Variants in AIFM2 observed in about 807,000 individuals in gnomAD.
The protein encoded by AIFM2 is AIF family member 2, ferroptosis suppressor, also known as ferroptosis suppressor protein 1.
In AIFM2, 38 loss-of-function variants were observed where a neutral mutation model predicts 35.7. The observed-to-expected ratio is 1.06, with a 90% CI of 0.82 to 1.39. The LOEUF (loss-of-function observed/expected upper bound fraction) is 1.39. Ranked by LOEUF, AIFM2 falls within the 40% of genes most tolerant of loss-of-function variation. The pLI is 0.00. For missense variants in AIFM2, 476 were observed against 491.2 expected, an observed-to-expected ratio of 0.97 and a Z score of 0.29; for synonymous variants, 185 against 203.5, an observed-to-expected ratio of 0.91 and a Z score of 0.77.
At chr10:70,120,659 T>A in intron 4 of AIFM2, 60 bp from the exon 5 acceptor site, 2 of 1,580,702 alleles carry the variant, frequency 1.3e-6, no homozygotes, top group South Asian at 2.2e-5. Context: ...TCCACCTCTG[T>A]CTGCTGGTTC....
At chr10:70,132,274 A>C (rs747000120) in intron 1 of AIFM2, among the ~76,000 whole-genome samples, 30 of 151,928 alleles carry the variant, frequency 2.0e-4, no homozygotes, top group Non-Finnish European at 4.0e-4. Context: ...CACTGGGTTG[A>C]CTCCAGTTTC....
rs149212333 is a variant in AIFM2 at position 70,116,635 on chromosome 10, G to A, written c.756C>T (p.Tyr252=). 2.5e-6 allele frequency: 4 copies of A among 1,613,700 alleles called. No individual in the cohort carries two copies. Among genetic ancestry groups the A allele is most frequent in the African/African-American group, 1.3e-5 (1 of 74,924 alleles). ...CTGIKINSSA[Y]RKAFESRLAS... ...GCACCTGCTCACCAAACGCTTTGCG[G>A]TAGGCGGAGCTGTTGATCTTGATGC... The change falls in exon 7 of 9, where the codon TAC becomes TAT. Residue 252 remains tyrosine (Y), a synonymous_variant. Coordinates refer to ENST00000307864, the MANE Select transcript of AIFM2 (RefSeq NM_032797.6).
At chr10:70,124,387 A>G (rs1304662970) in intron 1 of AIFM2, among the ~76,000 whole-genome samples, 1 of 152,198 alleles carries the variant, frequency 6.6e-6, no homozygotes, top group African/African-American at 2.4e-5. Flanking sequence ...TATAATCACG[A>G]TTATTTTTTG....
At chr10:70,114,470 A>ATT in intron 8 of AIFM2, 141 bp from the exon 9 acceptor site, 1 of 1,066,806 alleles carries the variant, frequency 9.4e-7, no homozygotes, top group Non-Finnish European at 1.3e-6. Context: ...TGAGACCCTG[A>ATT]TTTTTTTTTG....
intron 7 of AIFM2, among the ~76,000 whole-genome samples, chr10:70,115,445 T>C (rs1460883896): frequency 6.6e-6 from 1 of 152,234 alleles, no homozygotes. Context: ...GAGTCTTGAA[T>C]TGACTTTTGA....
intron 1 of AIFM2, among the ~76,000 whole-genome samples, chr10:70,127,539 C>G (rs1025904197): frequency 6.6e-6 from 1 of 152,228 alleles, no homozygotes; most frequent in Non-Finnish European, 1.5e-5. Flanking sequence ...GACAGACAGA[C>G]AGCCTGCCAT....
At chr10:70,119,928 G>A (rs557332745) in intron 5 of AIFM2, among the ~76,000 whole-genome samples, 4 of 152,356 alleles carry the variant, frequency 2.6e-5, no homozygotes, top group African/African-American at 7.2e-5. Context: ...CAACAGGGCA[G>A]GCTGATGTCC....
Position 70,118,043 on chromosome 10 carries a change from G to A in AIFM2, c.508-123C>T, listed in dbSNP as rs1374638681. ...CAGATGAGGAAACTGAAGCTCCAGA[G>A]AAGTAATCTGTCCAATGCCAGGACC... is the stretch of plus-strand genomic sequence containing the variant. On this transcript the variant is annotated intron_variant, in intron 5 of 8. Transcript: ENST00000307864. The A allele has an allele frequency of 1.3e-5, 9 of 706,446 alleles. No homozygotes were observed. The East Asian group carries it at 2.0e-4, about 16-fold the overall frequency. The allele number at this position is 706,446 out of a possible 1,614,324, so 43.8% of individuals were successfully genotyped here.
intron 1 of AIFM2, among the ~76,000 whole-genome samples, chr10:70,124,886 T>G (rs1382272314): frequency 1.3e-5 from 2 of 152,230 alleles, no homozygotes; most frequent in Non-Finnish European, 2.9e-5. Context: ...TGCAAAATTC[T>G]GCTTCTAGGG....
chr10:70,118,552 T>A (rs2072463698), intron 5 of AIFM2, among the ~76,000 whole-genome samples: 1 of 152,158 alleles, frequency 6.6e-6, no homozygotes, highest in Non-Finnish European at 1.5e-5. Context: ...ACATATTAAG[T>A]CCTTAATAAA....
chr10:70,126,632 TCCAAGACATGGTGGTGGTTCC>T (rs2072569326), intron 1 of AIFM2, among the ~76,000 whole-genome samples: 1 of 152,194 alleles, frequency 6.6e-6, no homozygotes. Context: ...CACACTGGTT[TCCAAGACATGGTGGTGGTTCC>T]CCAAGACGGT....
chr10:70,123,819 G>T, intron 2 of AIFM2, 88 bp downstream of exon 2: 1 of 1,376,818 alleles, frequency 7.3e-7, no homozygotes, highest in East Asian at 2.6e-5. Flanking sequence ...GCCCTAAATG[G>T]AGAAAACCAC....
chr10:70,115,005 G>T lies in AIFM2; in HGVS notation c.885C>A (p.Ala295=). Residue 295 remains alanine (A), a synonymous_variant, in exon 8 of 9, where the codon GCC becomes GCA. Coordinates refer to ENST00000307864, the MANE Select transcript of AIFM2 (RefSeq NM_032797.6). ...TGTTGGCGTGGAGGCCGGCAAGATA[G>T]GCCATCTTGGGCGTCCTCACGTCGG... ...DCADVRTPKM[A]YLAGLHANIA... 1 of 1,614,206 alleles carries T rather than the reference G, an allele frequency of 6.2e-7. No individual in the cohort carries two copies. Among genetic ancestry groups the T allele is most frequent in the Non-Finnish European group, 8.5e-7 (1 of 1,180,030 alleles).
Position 70,116,688 on chromosome 10 carries a change from C to T in AIFM2, c.703G>A (p.Ala235Thr). ...GTGCAGAGAATCACCAGGTTGGTGG[C>T]CACCTCTGTGCCTTTGTCCGTCTGC... is the stretch of plus-strand genomic sequence containing the variant. ...KVQTDKGTEV[A>T]TNLVILCTGI... Residue 235 changes from alanine (A) to threonine (T), a missense_variant, in exon 7 of 9, where the codon GCC becomes ACC. Physicochemically the swap from Ala to Thr is moderately conservative, Grantham distance 58 (BLOSUM62 0). Transcript: ENST00000307864. 6.2e-7 allele frequency: 1 copy of T among 1,614,202 alleles called. No individual in the cohort carries two copies. Among genetic ancestry groups the T allele is most frequent in the Non-Finnish European group, 8.5e-7 (1 of 1,180,048 alleles).
Position 70,120,567 on chromosome 10 carries a change from T to A in AIFM2, c.447A>T (p.Gly149=). The A allele has an allele frequency of 6.2e-7, 1 of 1,614,078 alleles. No individual in the cohort carries two copies. Among genetic ancestry groups the A allele is most frequent in the South Asian group, 1.1e-5 (1 of 91,082 alleles). The part of the protein sequence containing the change: ...VQRSRFIVVV[G]GGSAGVEMAA... The stretch of plus-strand genomic sequence containing the variant: ...CCATCTCCACTCCAGCCGAGCCTCC[T>A]CCCACCACCACGATGAACCGTGAGC... The change falls in exon 5 of 9, where the codon GGA becomes GGT. Residue 149 remains glycine, a synonymous_variant. Transcript: ENST00000307864.
At position 70,113,122 on chromosome 10, in the gene AIFM2, C is replaced by T. The variant is rs2136648884; in HGVS notation, c.*1056G>A. 1 of 152,378 alleles carries T rather than the reference C, an allele frequency of 6.6e-6. No individual in the cohort carries two copies. The highest frequency in any genetic ancestry group is 2.4e-5 in the African/African-American group (1 of 41,596). The allele number at this position is 152,378 out of a possible 1,614,324, so 9.4% of individuals were successfully genotyped here. ...CTGGCAGGCCAGGCTGCAGTCTCAACCCCTGCTAGCCGTGTAAAAATGCAC... is the reference window on the plus strand; with the variant it reads ...CTGGCAGGCCAGGCTGCAGTCTCAATCCCTGCTAGCCGTGTAAAAATGCAC... On this transcript the variant is annotated 3_prime_UTR_variant, in exon 9 of 9. Transcript: ENST00000307864.
chr10:70,114,303 C>T lies in AIFM2; in HGVS notation c.997G>A (p.Gly333Arg). The change falls in exon 9 of 9, where the codon GGG (glycine) becomes AGG (arginine). Residue 333 changes from glycine to arginine, a missense_variant. Transcript: ENST00000307864. ...ATTTGGCCCACACCGTCATTTCTCC[C>T]CATGGACAGGAGGAACGTCAGTGCA... ...PGALTFLLSM[G>R]RNDGVGQISG... 6.2e-7 allele frequency: 1 copy of T among 1,613,982 alleles called. No individual in the cohort carries two copies. Among genetic ancestry groups the T allele is most frequent in the Non-Finnish European group, 8.5e-7 (1 of 1,180,018 alleles).
chr10:70,118,070 A>G (rs746134865), intron 5 of AIFM2, 150 bp from the exon 6 acceptor site: 175 of 611,158 alleles, frequency 2.9e-4, no homozygotes, highest in Non-Finnish European at 4.8e-4. Context: ...GCCAGGACCA[A>G]TTAGTGGTGA....
In AIFM2 at chr10:70,117,801, G is replaced by A; in HGVS notation, c.616+11C>T. The stretch of plus-strand genomic sequence containing the variant: ...AGGGCAGGGCAGGGAGGGAGGTGAG[G>A]GTGCACGTACTCAGCAGCAGCTGCA... On this transcript the variant is annotated intron_variant, in intron 6 of 8. Coordinates refer to ENST00000307864, the MANE Select transcript of AIFM2 (RefSeq NM_032797.6). The surrounding 1 kb of genome is among the most constrained non-coding windows in gnomAD (Gnocchi z 4.7). 3.1e-6 allele frequency: 5 copies of A among 1,594,622 alleles called. No individual in the cohort carries two copies. Among genetic ancestry groups the A allele is most frequent in the Non-Finnish European group, 1.7e-6 (2 of 1,170,500 alleles).
Sources: gnomAD v4.1 joint callset for allele counts (sites outside exome capture counted in the v4.1 genomes callset) on GRCh38, gnomAD v4.1.1 for gene constraint, Gnocchi (gnomAD v3.1) non-coding constraint, MANE v1.5 for transcripts, NCBI Gene and HGNC (gene_info 2026-07-23, HGNC 2026-07-21) for gene names.